The following SNTG1 variants were observed in gnomAD, a reference collection of about 807,000 sequenced individuals.
SNTG1 encodes gamma-1-syntrophin.
A neutral mutation model predicts 74.7 loss-of-function variants in SNTG1; 39 were observed. That is an observed-to-expected ratio of 0.52 (90% CI 0.40 to 0.68). The LOEUF (loss-of-function observed/expected upper bound fraction) is 0.68, where lower values mean the gene tolerates loss of function less well. Among genes scored for constraint, SNTG1 ranks in the 30% least tolerant of loss-of-function variants. The pLI is 0.00. For missense variants in SNTG1, 685 were observed against 609.5 expected, an observed-to-expected ratio of 1.12 and a Z score of -1.30; for synonymous variants, 254 against 217.1, an observed-to-expected ratio of 1.17 and a Z score of -1.49.
intron 1 of SNTG1, among the ~76,000 whole-genome samples, chr8:50,048,104 GA>G (rs957215257): frequency 2.6e-5 from 4 of 151,422 alleles, no homozygotes; most frequent in South Asian, 2.1e-4. Flanking sequence ...TGGCATCCAT[GA>G]AAAAAAATAA....
chr8:50,005,864 C>T (rs553662326), intron 1 of SNTG1, among the ~76,000 whole-genome samples: 2 of 151,710 alleles, frequency 1.3e-5, no homozygotes, highest in East Asian at 3.9e-4. Context: ...TCATCTAGCT[C>T]ACCGTCTCTG....
intron 2 of SNTG1, among the ~76,000 whole-genome samples, chr8:50,249,223 A>T (rs186726651): frequency 6.6e-5 from 10 of 152,328 alleles, no homozygotes; most frequent in African/African-American, 2.4e-4. Flanking sequence ...ATTGCTGGAA[A>T]TCTGCACAGT....
chr8:50,270,742 G>A (rs980730105), intron 2 of SNTG1, among the ~76,000 whole-genome samples: 3 of 152,126 alleles, frequency 2.0e-5, no homozygotes, highest in Non-Finnish European at 4.4e-5. Flanking sequence ...ACAAACATGA[G>A]ATAAAATCAA....
At chr8:50,171,743 G>A (rs563108808) in intron 1 of SNTG1, among the ~76,000 whole-genome samples, 1 of 152,270 alleles carries the variant, frequency 6.6e-6, no homozygotes, top group South Asian at 2.1e-4. Context: ...TCTTAAAAAT[G>A]CATATTTATA....
chr8:50,118,982 G>A lies in SNTG1; in HGVS notation c.-102-53579G>A, dbSNP rs528802453. ...ACTTCTAACTACCTCAAGAAAATAC[G>A]GCAGGATGCACTGGCTCACAGAAAC... On this transcript the variant is annotated intron_variant, in intron 1 of 18. Transcript: ENST00000642720. Among the ~76,000 whole-genome samples the A allele has an allele frequency of 7.1e-5, 10 of 139,998 alleles. 2 individuals are homozygous for A. The highest frequency in any genetic ancestry group is 1.3e-4 in the Non-Finnish European group (8 of 63,156). 91.8% of individuals were successfully genotyped at this position (139,998 alleles called of 152,430 possible).
intron 2 of SNTG1, among the ~76,000 whole-genome samples, chr8:50,173,827 T>C (rs1279755443): frequency 2.0e-5 from 3 of 152,228 alleles, no homozygotes; most frequent in Non-Finnish European, 4.4e-5. Context: ...AATTATCTTT[T>C]TAAAAAATTT....
chr8:49,952,320 A>G (rs986006856), intron 1 of SNTG1, among the ~76,000 whole-genome samples: 2 of 152,204 alleles, frequency 1.3e-5, no homozygotes, highest in Non-Finnish European at 2.9e-5. Context: ...ACAACGCAAA[A>G]TCCTGATGAG....
chr8:50,247,766 C>T (rs1343028335), intron 2 of SNTG1, among the ~76,000 whole-genome samples: 3 of 151,940 alleles, frequency 2.0e-5, no homozygotes, highest in Non-Finnish European at 2.9e-5. Flanking sequence ...TTAAGTGATC[C>T]TCCCACCTCA....
At chr8:50,201,730 A>G (rs1286378850) in intron 2 of SNTG1, among the ~76,000 whole-genome samples, 1 of 152,108 alleles carries the variant, frequency 6.6e-6, no homozygotes, top group Non-Finnish European at 1.5e-5. Flanking sequence ...ATAAGTGTGT[A>G]TATTCATTGG....
chr8:50,184,682 A>G (rs943552100), intron 2 of SNTG1, among the ~76,000 whole-genome samples: 1 of 152,168 alleles, frequency 6.6e-6, no homozygotes, highest in Non-Finnish European at 1.5e-5. Flanking sequence ...GCCAAGGGAA[A>G]TTTAATATGT....
At chr8:50,257,724 TAA>T (rs1041100512) in intron 2 of SNTG1, among the ~76,000 whole-genome samples, 5 of 152,254 alleles carry the variant, frequency 3.3e-5, no homozygotes, top group African/African-American at 7.2e-5. Context: ...GGAAGAGAGA[TAA>T]CCAGGAAAGA....
intron 1 of SNTG1, among the ~76,000 whole-genome samples, chr8:49,938,563 T>TTTTCC (rs1491249615): frequency 1.4e-4 from 4 of 28,222 alleles, no homozygotes; most frequent in Admixed American, 4.7e-4. Flanking sequence ...TTTTGTTTTC[T>TTTTCC]TTTCTTTTCT....
At position 50,421,802 on chromosome 8, in the gene SNTG1, G is replaced by A. The variant is rs374472796; in HGVS notation, c.163-16741G>A. ...AGGCATACAGACTTACTTAATTAAT[G>A]TGTATACCTGGGAGCCTTCAGAATG... is the stretch of plus-strand genomic sequence containing the variant. On this transcript the variant is annotated intron_variant, in intron 4 of 18. Transcript: ENST00000642720. Among the ~76,000 whole-genome samples, 34 of 152,148 alleles carry A rather than the reference G, an allele frequency of 2.2e-4. 1 individual carries two copies. The highest frequency in any genetic ancestry group is 8.0e-4 in the African/African-American group (33 of 41,424).
chr8:50,690,775 A>C (rs1377595874), intron 15 of SNTG1, among the ~76,000 whole-genome samples: 1 of 152,102 alleles, frequency 6.6e-6, no homozygotes, highest in Non-Finnish European at 1.5e-5. Flanking sequence ...TGCTTGGTGC[A>C]GATCTGAGTT....
intron 1 of SNTG1, among the ~76,000 whole-genome samples, chr8:50,020,411 A>G (rs1296816385): frequency 1.3e-5 from 2 of 152,168 alleles, no homozygotes; most frequent in Non-Finnish European, 2.9e-5. Context: ...ATTGGTTTTA[A>G]TGCAAGCACA....
intron 18 of SNTG1, among the ~76,000 whole-genome samples, chr8:50,754,627 T>TAAAAA: frequency 6.6e-6 from 1 of 152,066 alleles, no homozygotes; most frequent in South Asian, 2.1e-4. Context: ...TACATTAATT[T>TAAAAA]TTACTGATTT....
At chr8:49,914,557 C>A (rs1030497413) in intron 1 of SNTG1, among the ~76,000 whole-genome samples, 1 of 152,032 alleles carries the variant, frequency 6.6e-6, no homozygotes, top group African/African-American at 2.4e-5. Context: ...AAAAACACTT[C>A]TTGATTAATT....
At chr8:50,391,931 AC>A (rs1188550933) in intron 2 of SNTG1, among the ~76,000 whole-genome samples, 1 of 152,140 alleles carries the variant, frequency 6.6e-6, no homozygotes, top group African/African-American at 2.4e-5. Flanking sequence ...CAAATTCCTT[AC>A]CAGCATGCTT....
intron 1 of SNTG1, among the ~76,000 whole-genome samples, chr8:50,098,730 A>C (rs1403517073): frequency 6.6e-6 from 1 of 152,276 alleles, no homozygotes; most frequent in African/African-American, 2.4e-5. Flanking sequence ...TATGTGTTTG[A>C]ATATCAGTCC....
Sources: gnomAD v4.1 joint callset for allele counts (sites outside exome capture counted in the v4.1 genomes callset) on GRCh38, gnomAD v4.1.1 for gene constraint, MANE v1.5 for transcripts, NCBI Gene and HGNC (gene_info 2026-07-23, HGNC 2026-07-21) for gene names.